Variants in NKAIN3 observed in about 807,000 individuals in gnomAD.
NKAIN3 encodes sodium/potassium transporting ATPase interacting 3.
NKAIN3 carries 25 observed loss-of-function variants against 30.2 expected under a neutral mutation model. The observed-to-expected ratio is 0.83, with a 90% CI of 0.60 to 1.16. The LOEUF (loss-of-function observed/expected upper bound fraction) is 1.16, where lower values mean the gene tolerates loss of function less well. NKAIN3 is among the 50% of genes most tolerant of loss of function. The pLI is 0.00. For synonymous variants in NKAIN3, 91 were observed against 89.6 expected, an observed-to-expected ratio of 1.02 and a Z score of -0.09; for missense variants, 225 against 254.1, an observed-to-expected ratio of 0.89 and a Z score of 0.78.
chr8:62,619,552 G>C (rs1237173426), intron 3 of NKAIN3, among the ~76,000 whole-genome samples: 1 of 152,074 alleles, frequency 6.6e-6, no homozygotes, highest in Admixed American at 6.6e-5. Context: ...AAATGTATTT[G>C]ATTGATGTCT....
chr8:62,839,074 GCTAT>G, intron 4 of NKAIN3, among the ~76,000 whole-genome samples: 1 of 152,002 alleles, frequency 6.6e-6, no homozygotes, highest in East Asian at 1.9e-4. Flanking sequence ...ATCTCACACA[GCTAT>G]CTCTCTAATA....
rs10105559 is a variant in NKAIN3 at position 62,898,601 on chromosome 8, A to G, written c.472-19852A>G. 8.5e-3 allele frequency among the ~76,000 whole-genome samples: 1,294 copies of G among 152,254 alleles called. 23 individuals carry two copies. The highest frequency in any genetic ancestry group is 0.03 in the African/African-American group (1,250 of 41,550). The stretch of plus-strand genomic sequence containing the variant: ...AGGATAAGGTGATTTTTAAAAAACT[A>G]CATATTGTCTCAAACTATGAAACTA... On this transcript the variant is annotated intron_variant, in intron 4 of 6. Transcript: ENST00000623646.
At chr8:62,858,037 T>C (rs1054075447) in intron 4 of NKAIN3, among the ~76,000 whole-genome samples, 7 of 3,428 alleles carry the variant, frequency 2.0e-3, no homozygotes, top group African/African-American at 0.017. Context: ...GGATTTTTTC[T>C]TGTTGTTGTT....
intron 6 of NKAIN3, among the ~76,000 whole-genome samples, chr8:62,957,042 T>C (rs1304969501): frequency 6.6e-6 from 1 of 152,238 alleles, no homozygotes; most frequent in African/African-American, 2.4e-5. Context: ...AGCATACTTT[T>C]ACCATGAGAT....
intron 1 of NKAIN3, among the ~76,000 whole-genome samples, chr8:62,307,881 G>C (rs1233224921): frequency 1.3e-5 from 2 of 150,576 alleles, no homozygotes; most frequent in African/African-American, 2.5e-5. Flanking sequence ...ACTAAGGTTG[G>C]ATAGAGAGTT....
intron 4 of NKAIN3, among the ~76,000 whole-genome samples, chr8:62,809,357 T>C (rs1255517974): frequency 6.6e-6 from 1 of 152,190 alleles, no homozygotes; most frequent in Non-Finnish European, 1.5e-5. Flanking sequence ...GAGTATTGAT[T>C]GGGGAAGTGA....
In NKAIN3 at chr8:62,547,198, A is replaced by G. The variant is rs77569084; in HGVS notation, c.55-32341A>G. 6.9e-3 allele frequency among the ~76,000 whole-genome samples: 1,055 copies of G among 152,264 alleles called. 11 individuals are homozygous for G. The highest frequency in any genetic ancestry group is 0.024 in the African/African-American group (1,010 of 41,554). On this transcript the variant is annotated intron_variant, in intron 1 of 6. Transcript: ENST00000623646. The stretch of plus-strand genomic sequence containing the variant: ...TCTCTAGTGATCTGTATTTTATGTG[A>G]GCTGCCTGGATTTTCTTACATTAGC...
chr8:62,722,681 A>C (rs770838477), intron 3 of NKAIN3, among the ~76,000 whole-genome samples: 2 of 152,178 alleles, frequency 1.3e-5, no homozygotes, highest in Non-Finnish European at 2.9e-5. Flanking sequence ...TACAGTGGGC[A>C]GATGTGGGAG....
chr8:62,884,822 C>T (rs559336000), intron 4 of NKAIN3, among the ~76,000 whole-genome samples: 1 of 151,558 alleles, frequency 6.6e-6, no homozygotes, highest in African/African-American at 2.4e-5. Flanking sequence ...TAGTGATGTC[C>T]CCTCTTTCAG....
chr8:62,289,332 AATGGT>A (rs1479383959), intron 1 of NKAIN3, among the ~76,000 whole-genome samples: 5 of 150,458 alleles, frequency 3.3e-5, no homozygotes, highest in Admixed American at 6.6e-5. Context: ...CTATGTCCTG[AATGGT>A]ATTGCCTAGG....
chr8:62,390,334 A>G (rs1374426441), intron 1 of NKAIN3, among the ~76,000 whole-genome samples: 8 of 152,160 alleles, frequency 5.3e-5, no homozygotes, highest in Non-Finnish European at 4.4e-5. Flanking sequence ...GCTAAGGATA[A>G]TGTCTGCCGG....
chr8:62,278,318 C>A (rs1225809403), intron 1 of NKAIN3, among the ~76,000 whole-genome samples: 1 of 151,780 alleles, frequency 6.6e-6, no homozygotes, highest in Admixed American at 6.6e-5. Flanking sequence ...AGGAATGAAG[C>A]AAAGTAGACC....
chr8:62,640,789 C>G (rs1812284069), intron 3 of NKAIN3, among the ~76,000 whole-genome samples: 2 of 152,094 alleles, frequency 1.3e-5, no homozygotes, highest in African/African-American at 2.4e-5. Context: ...TCCATCTACT[C>G]AAATATGTCC....
At chr8:62,856,421 CT>C in intron 4 of NKAIN3, 1 of 793,860 alleles carries the variant, frequency 1.3e-6, no homozygotes. Flanking sequence ...TCCTCATCCT[CT>C]GCTATGCTGG....
At chr8:62,850,943 T>C (rs1398131494) in intron 4 of NKAIN3, among the ~76,000 whole-genome samples, 1 of 152,066 alleles carries the variant, frequency 6.6e-6, no homozygotes, top group Non-Finnish European at 1.5e-5. Context: ...ATGTGGGGTC[T>C]TTTTTGGTTC....
intron 1 of NKAIN3, among the ~76,000 whole-genome samples, chr8:62,541,399 A>C (rs1325142918): frequency 6.6e-6 from 1 of 152,166 alleles, no homozygotes; most frequent in African/African-American, 2.4e-5. Context: ...AACTACCTGT[A>C]GAACATCTCC....
At chr8:62,897,862 G>C (rs1366943500) in intron 4 of NKAIN3, among the ~76,000 whole-genome samples, 1 of 152,128 alleles carries the variant, frequency 6.6e-6, no homozygotes, top group Non-Finnish European at 1.5e-5. Context: ...GCTTCCCTCT[G>C]CTTTCTGACA....
At chr8:62,926,614 A>G (rs753022105) in intron 5 of NKAIN3, among the ~76,000 whole-genome samples, 2 of 152,194 alleles carry the variant, frequency 1.3e-5, no homozygotes, top group Non-Finnish European at 2.9e-5. Context: ...TAGAGTTTCT[A>G]TCCTCATTTT....
intron 1 of NKAIN3, among the ~76,000 whole-genome samples, chr8:62,381,009 T>C (rs963029403): frequency 6.6e-6 from 1 of 152,216 alleles, no homozygotes; most frequent in African/African-American, 2.4e-5. Context: ...AAACCCATTG[T>C]GATGTACTTT....
Sources: gnomAD v4.1 joint callset for allele counts (sites outside exome capture counted in the v4.1 genomes callset) on GRCh38, gnomAD v4.1.1 for gene constraint, MANE v1.5 for transcripts, NCBI Gene and HGNC (gene_info 2026-07-23, HGNC 2026-07-21) for gene names.